The following TBC1D22A variants were observed in gnomAD, a reference collection of about 807,000 sequenced individuals.
TBC1D22A encodes the protein TBC1 domain family member 22A.
In TBC1D22A, 38 loss-of-function variants were observed where a neutral mutation model predicts 60.2. The observed-to-expected ratio is 0.63, with a 90% CI of 0.49 to 0.83. TBC1D22A has a LOEUF of 0.83. Among genes scored for constraint, TBC1D22A ranks in the 40% least tolerant of loss-of-function variants. The probability of loss-of-function intolerance (pLI) is 0.00; values close to 1 mark genes in which losing one functional copy is unlikely to be tolerated. For missense variants in TBC1D22A, 628 were observed against 701.0 expected (o/e 0.90, Z 1.18); for synonymous variants, 302 against 281.7 (o/e 1.07, Z -0.72).
chr22:47,041,441 C>T (rs2062840864), intron 11 of TBC1D22A, among the ~76,000 whole-genome samples: 1 of 152,224 alleles, frequency 6.6e-6, no homozygotes, highest in Admixed American at 6.5e-5. Flanking sequence ...CCACTTCACA[C>T]CCAAGGGCAG....
chr22:47,039,825 G>A (rs929176715), intron 11 of TBC1D22A, among the ~76,000 whole-genome samples: 4 of 151,816 alleles, frequency 2.6e-5, no homozygotes, highest in Admixed American at 6.6e-5. Context: ...GCATCTGCTC[G>A]GCTTCTGAGG....
intron 1 of TBC1D22A, among the ~76,000 whole-genome samples, chr22:46,779,299 A>T (rs926983256): frequency 2.0e-5 from 3 of 152,200 alleles, no homozygotes; most frequent in African/African-American, 7.2e-5. Flanking sequence ...GTCTTACAGG[A>T]CCATGGTCCT....
intron 12 of TBC1D22A, among the ~76,000 whole-genome samples, chr22:47,112,659 G>A (rs1465708628): frequency 6.6e-6 from 1 of 152,222 alleles, no homozygotes; most frequent in African/African-American, 2.4e-5. Flanking sequence ...CCAGCAGATG[G>A]AACCCAGCCC....
At chr22:46,808,373 A>G (rs1359565225) in intron 4 of TBC1D22A, among the ~76,000 whole-genome samples, 1 of 149,732 alleles carries the variant, frequency 6.7e-6, no homozygotes, top group East Asian at 2.0e-4. Flanking sequence ...ATAAAAAAAA[A>G]TAAAAAAATA....
At chr22:47,041,735 G>A (rs1416580125) in intron 11 of TBC1D22A, among the ~76,000 whole-genome samples, 7 of 152,316 alleles carry the variant, frequency 4.6e-5, no homozygotes, top group Middle Eastern at 3.4e-3. Flanking sequence ...AAGGTTTTTC[G>A]AGTGAGGATT....
intron 10 of TBC1D22A, among the ~76,000 whole-genome samples, chr22:47,012,410 T>G (rs1372467560): frequency 3.3e-5 from 5 of 152,150 alleles, no homozygotes; most frequent in African/African-American, 9.7e-5. Context: ...CCTGCCAGGC[T>G]TTCCCTGAGG....
chr22:47,163,523 G>A (rs1255924710), intron 12 of TBC1D22A, among the ~76,000 whole-genome samples: 1 of 152,252 alleles, frequency 6.6e-6, no homozygotes, highest in Admixed American at 6.5e-5. Context: ...CTTGAAAGGT[G>A]ACCTGGAGTT....
chr22:46,963,852 G>A (rs1022495831), intron 8 of TBC1D22A, among the ~76,000 whole-genome samples: 3 of 152,364 alleles, frequency 2.0e-5, no homozygotes, highest in African/African-American at 4.8e-5. Context: ...GGAGGCAGGC[G>A]CAGGAGCAGG....
intron 5 of TBC1D22A, among the ~76,000 whole-genome samples, chr22:46,886,058 C>T (rs2068098031): frequency 6.6e-6 from 1 of 152,002 alleles, no homozygotes; most frequent in South Asian, 2.1e-4. Context: ...CAGGCGCCTG[C>T]CACCACGCCT....
At chr22:47,103,402 A>G (rs1412090062) in intron 11 of TBC1D22A, among the ~76,000 whole-genome samples, 1 of 152,204 alleles carries the variant, frequency 6.6e-6, no homozygotes, top group East Asian at 1.9e-4. Flanking sequence ...ATCTAGGGGA[A>G]CAAACCCAGG....
chr22:46,792,936 C>A, intron 2 of TBC1D22A: 3 of 1,192,612 alleles, frequency 2.5e-6, no homozygotes, highest in Non-Finnish European at 2.2e-6. Context: ...GGAGCCCGGC[C>A]CTGGCCTGTC....
chr22:47,136,552 GGGGAC>G (rs1392202079), intron 12 of TBC1D22A, among the ~76,000 whole-genome samples: 1 of 142,338 alleles, frequency 7.0e-6, no homozygotes, highest in Admixed American at 7.1e-5. Flanking sequence ...GGCCAGACCC[GGGGAC>G]GGGGGACCAG....
At chr22:47,019,042 C>T (rs1377052241) in intron 10 of TBC1D22A, among the ~76,000 whole-genome samples, 1 of 152,220 alleles carries the variant, frequency 6.6e-6, no homozygotes, top group East Asian at 1.9e-4. Context: ...GTGTTGGAGG[C>T]TCTGGTGCAG....
At chr22:47,124,459 C>T (rs56655975) in intron 12 of TBC1D22A, among the ~76,000 whole-genome samples, 5,725 of 152,298 alleles carry the variant, frequency 0.038, 351 homozygotes, top group African/African-American at 0.13. Context: ...TGTCCTGGGA[C>T]GCATTGGGAC....
At chr22:46,816,572 G>T (rs1171751043) in intron 4 of TBC1D22A, among the ~76,000 whole-genome samples, 2 of 152,226 alleles carry the variant, frequency 1.3e-5, no homozygotes, top group Admixed American at 6.5e-5. Context: ...GGGGCACATT[G>T]TGTGTGAGGC....
chr22:46,782,823 A>G (rs1174895713), intron 1 of TBC1D22A, among the ~76,000 whole-genome samples: 1 of 152,110 alleles, frequency 6.6e-6, no homozygotes, highest in Non-Finnish European at 1.5e-5. Flanking sequence ...TTTATGACCT[A>G]ATATTACTCC....
At chr22:46,766,293 G>A (rs1330903494) in intron 1 of TBC1D22A, among the ~76,000 whole-genome samples, 2 of 151,822 alleles carry the variant, frequency 1.3e-5, no homozygotes, top group Non-Finnish European at 2.9e-5. Context: ...CACTGTGCCC[G>A]GCAATTTTTG....
intron 7 of TBC1D22A, among the ~76,000 whole-genome samples, chr22:46,900,579 G>C (rs2068937100): frequency 9.2e-5 from 14 of 152,200 alleles, no homozygotes; most frequent in Admixed American, 9.2e-4. Flanking sequence ...GACAACTGCT[G>C]ATCTTCTTTC....
At chr22:47,007,312 C>T (rs1009529352) in intron 10 of TBC1D22A, among the ~76,000 whole-genome samples, 1 of 152,198 alleles carries the variant, frequency 6.6e-6, no homozygotes, top group African/African-American at 2.4e-5. Flanking sequence ...ATGTGTCCTG[C>T]ACCTCTGCAG....
Sources: gnomAD v4.1 joint callset for allele counts (sites outside exome capture counted in the v4.1 genomes callset) on GRCh38, gnomAD v4.1.1 for gene constraint, MANE v1.5 for transcripts, NCBI Gene and HGNC (gene_info 2026-07-23, HGNC 2026-07-21) for gene names.